CAMTA1: variants seen among roughly 807,000 people sequenced by gnomAD.
The protein encoded by CAMTA1 is calmodulin-binding transcription activator 1.
Under a neutral mutation model 170.9 loss-of-function variants are expected in CAMTA1, and 27 were observed. That is an observed-to-expected ratio of 0.16 (90% CI 0.12 to 0.22). The LOEUF is 0.22. CAMTA1 is among the 10% of genes least tolerant of loss of function. The pLI, the probability that CAMTA1 is intolerant of heterozygous loss-of-function variation, is 1.00. For missense variants in CAMTA1, 1,619 were observed against 2,217.2 expected (o/e 0.73, Z 5.42); for synonymous variants, 833 against 891.5 (o/e 0.93, Z 1.17).
At chr1:6,959,728 C>T (rs1690057755) in intron 3 of CAMTA1, among the ~76,000 whole-genome samples, 1 of 152,176 alleles carries the variant, frequency 6.6e-6, no homozygotes, top group Non-Finnish European at 1.5e-5. Flanking sequence ...GCCCTGACTG[C>T]CCCATTTTCC....
intron 11 of CAMTA1, among the ~76,000 whole-genome samples, chr1:7,683,530 A>G (rs1284724888): frequency 1.3e-5 from 2 of 151,948 alleles, no homozygotes; most frequent in Non-Finnish European, 2.9e-5. Flanking sequence ...AAAGGAAGAA[A>G]GGACGCCCAC....
chr1:6,924,474 C>T (rs1466507152), intron 3 of CAMTA1, among the ~76,000 whole-genome samples: 2 of 152,170 alleles, frequency 1.3e-5, no homozygotes, highest in Non-Finnish European at 2.9e-5. Context: ...CGACTTTCAT[C>T]CCCTTGGGGT....
At chr1:7,754,138 A>G (rs2096916045) in intron 21 of CAMTA1, among the ~76,000 whole-genome samples, 2 of 152,208 alleles carry the variant, frequency 1.3e-5, no homozygotes, top group African/African-American at 4.8e-5. Context: ...TCGACCTGCA[A>G]AATGAAAAAC....
At chr1:6,810,007 G>A (rs1232603144) in intron 1 of CAMTA1, among the ~76,000 whole-genome samples, 1 of 152,182 alleles carries the variant, frequency 6.6e-6, no homozygotes, top group African/African-American at 2.4e-5. Context: ...AGTCCAAGAT[G>A]AGAAAAGAAA....
At chr1:7,336,917 C>T (rs2083420021) in intron 5 of CAMTA1, among the ~76,000 whole-genome samples, 1 of 152,208 alleles carries the variant, frequency 6.6e-6, no homozygotes, top group Non-Finnish European at 1.5e-5. Context: ...AGGCCAGCGG[C>T]CCCCTCCCTA....
At chr1:7,381,389 G>A (rs1303473827) in intron 5 of CAMTA1, among the ~76,000 whole-genome samples, 2 of 150,056 alleles carry the variant, frequency 1.3e-5, no homozygotes, top group East Asian at 3.9e-4. Context: ...CCACCTATGA[G>A]TGAGAATATG....
intron 5 of CAMTA1, among the ~76,000 whole-genome samples, chr1:7,316,665 G>A (rs1416482579): frequency 6.6e-6 from 1 of 152,212 alleles, no homozygotes; most frequent in Non-Finnish European, 1.5e-5. Flanking sequence ...ACTGGGGGAT[G>A]CAGAAATGAA....
At chr1:7,100,300 G>A (rs1258503494) in intron 4 of CAMTA1, among the ~76,000 whole-genome samples, 1 of 152,122 alleles carries the variant, frequency 6.6e-6, no homozygotes, top group African/African-American at 2.4e-5. Flanking sequence ...CTTTTCCTTT[G>A]TGGATTTATA....
In CAMTA1 at chr1:7,642,915, A is replaced by G. The variant is rs2095775867; in HGVS notation, c.664+2362A>G. The stretch of plus-strand genomic sequence containing the variant: ...GGGGCTGAGGCTGCCAGCCTGTCCC[A>G]TTTCTTGGGAGGTGGAGTCACTCCA... On this transcript the variant is annotated intron_variant, in intron 7 of 22. Coordinates refer to ENST00000303635, the MANE Select transcript of CAMTA1 (RefSeq NM_015215.4). The surrounding 1 kb of genome is among the most constrained non-coding windows in gnomAD (Gnocchi z 6.3). Among the ~76,000 whole-genome samples the G allele has an allele frequency of 1.3e-5, 2 of 151,988 alleles. No individual in the cohort carries two copies. Among genetic ancestry groups the G allele is most frequent in the African/African-American group, 4.8e-5 (2 of 41,368 alleles).
intron 1 of CAMTA1, among the ~76,000 whole-genome samples, chr1:6,804,655 C>G (rs778822135): frequency 6.6e-6 from 1 of 152,074 alleles, no homozygotes; most frequent in Non-Finnish European, 1.5e-5. Context: ...ATAATGTTTT[C>G]AAGGTTTTTA....
chr1:7,104,028 T>C (rs1380215877), intron 4 of CAMTA1, among the ~76,000 whole-genome samples: 1 of 87,890 alleles, frequency 1.1e-5, no homozygotes, highest in Admixed American at 1.2e-4. Context: ...ATGTACACAC[T>C]ACATATGCAT....
intron 4 of CAMTA1, among the ~76,000 whole-genome samples, chr1:7,158,946 T>C (rs1647046837): frequency 6.6e-6 from 1 of 151,888 alleles, no homozygotes; most frequent in East Asian, 1.9e-4. Context: ...ATGTGGACGA[T>C]TCTAGTTCCT....
At chr1:6,950,137 T>A (rs116564540) in intron 3 of CAMTA1, among the ~76,000 whole-genome samples, 1 of 152,218 alleles carries the variant, frequency 6.6e-6, no homozygotes, top group Admixed American at 6.5e-5. Context: ...AGGTCTCATC[T>A]GCCCAGGGGC....
intron 3 of CAMTA1, among the ~76,000 whole-genome samples, chr1:7,060,819 A>G (rs1708091410): frequency 6.6e-6 from 1 of 152,276 alleles, no homozygotes; most frequent in Non-Finnish European, 1.5e-5. Flanking sequence ...TTGGGTTCCA[A>G]TTTCCCAGGA....
intron 5 of CAMTA1, among the ~76,000 whole-genome samples, chr1:7,337,065 G>T (rs1271834742): frequency 6.6e-6 from 1 of 152,218 alleles, no homozygotes; most frequent in African/African-American, 2.4e-5. Flanking sequence ...ACTTGAATAC[G>T]ATCCCTAGTG....
rs375698182 is a variant in CAMTA1 at position 7,565,299 on chromosome 1, G to A, written c.511-75101G>A. Reference sequence around the variant, plus strand: ...TGGGCGCTGCCTTTGGGGCCCACGGGCCTATGGGGATGGGAGTGAGGCAGG... The same window carrying A: ...TGGGCGCTGCCTTTGGGGCCCACGGACCTATGGGGATGGGAGTGAGGCAGG... On this transcript the variant is annotated intron_variant, in intron 6 of 22. Coordinates refer to ENST00000303635, the MANE Select transcript of CAMTA1 (RefSeq NM_015215.4). The surrounding 1 kb of genome is among the most constrained non-coding windows in gnomAD (Gnocchi z 4.5). Among the ~76,000 whole-genome samples, 10 of 152,282 alleles carry A rather than the reference G, an allele frequency of 6.6e-5. No individual in the cohort carries two copies. Among genetic ancestry groups the A allele is most frequent in the African/African-American group, 2.4e-4 (10 of 41,562 alleles).
intron 6 of CAMTA1, among the ~76,000 whole-genome samples, chr1:7,471,325 T>A (rs2093326504): frequency 6.6e-6 from 1 of 152,212 alleles, no homozygotes; most frequent in Non-Finnish European, 1.5e-5. Flanking sequence ...CTAGAGCCCA[T>A]GTGGCCCATA....
intron 16 of CAMTA1, among the ~76,000 whole-genome samples, chr1:7,739,581 G>C (rs1322493551): frequency 6.6e-6 from 1 of 152,164 alleles, no homozygotes; most frequent in Non-Finnish European, 1.5e-5. Context: ...GGTTGGGGAG[G>C]CCTCACAATC....
At chr1:7,667,700 A>G (rs1392682070) in intron 9 of CAMTA1, among the ~76,000 whole-genome samples, 1 of 152,162 alleles carries the variant, frequency 6.6e-6, no homozygotes, top group Non-Finnish European at 1.5e-5. Flanking sequence ...CCTGCAGTTC[A>G]GCAGCTCGCC....
Sources: allele counts gnomAD v4.1 joint callset (sites outside exome capture counted in the v4.1 genomes callset), GRCh38; gene constraint gnomAD v4.1.1; non-coding constraint Gnocchi (gnomAD v3.1); transcripts MANE v1.5; gene names NCBI Gene and HGNC (gene_info 2026-07-23, HGNC 2026-07-21).